SHB: variants seen among roughly 807,000 people sequenced by gnomAD.
The protein encoded by SHB is SH2 domain-containing adapter protein B.
A neutral mutation model predicts 52.3 loss-of-function variants in SHB; 20 were observed. The ratio of observed to expected loss-of-function variants is 0.38; its 90% CI spans 0.27 to 0.56. SHB has a LOEUF of 0.56. SHB is among the 20% of genes least tolerant of loss of function. SHB has a pLI of 0.71. For synonymous variants in SHB, 397 were observed against 316.5 expected, an observed-to-expected ratio of 1.25 and a Z score of -2.70; for missense variants, 825 against 723.3, an observed-to-expected ratio of 1.14 and a Z score of -1.61.
At chr9:38,056,231 C>A (rs1022996886) in intron 1 of SHB, among the ~76,000 whole-genome samples, 5 of 151,982 alleles carry the variant, frequency 3.3e-5, no homozygotes, top group Non-Finnish European at 7.4e-5. Flanking sequence ...AAGATGACAA[C>A]CATACCTCAT....
intron 3 of SHB, among the ~76,000 whole-genome samples, chr9:37,963,696 G>A (rs1008784895): frequency 5.9e-5 from 9 of 152,160 alleles, no homozygotes; most frequent in African/African-American, 2.2e-4. Flanking sequence ...AGGTAGTTGT[G>A]CGACCCCAGG....
Position 38,026,079 on chromosome 9 carries a change from C to T in SHB, c.718-9948G>A, listed in dbSNP as rs972614444. 3.9e-5 allele frequency among the ~76,000 whole-genome samples: 6 copies of T among 152,212 alleles called. No individual in the cohort carries two copies. The East Asian group carries it at 9.6e-4, about 24-fold the overall frequency. On this transcript the variant is annotated intron_variant, in intron 1 of 5. Coordinates refer to ENST00000377707, the MANE Select transcript of SHB (RefSeq NM_003028.3). ...TTCCCAAGGAAGGATCAGGAATGCC[C>T]GTGAGGCTTTCTCACGGTAACGTAA...
At chr9:38,010,815 G>A (rs191528042) in intron 2 of SHB, among the ~76,000 whole-genome samples, 4 of 152,328 alleles carry the variant, frequency 2.6e-5, no homozygotes, top group Admixed American at 6.5e-5. Context: ...ATGACCGAGC[G>A]CACTGCAGAG....
At chr9:38,025,363 A>C (rs1225659847) in intron 1 of SHB, among the ~76,000 whole-genome samples, 1 of 151,926 alleles carries the variant, frequency 6.6e-6, no homozygotes, top group African/African-American at 2.4e-5. Flanking sequence ...CCTTCCTCTC[A>C]GGCTTCCTGC....
At chr9:38,063,501 C>G (rs1821919947) in intron 1 of SHB, among the ~76,000 whole-genome samples, 1 of 152,242 alleles carries the variant, frequency 6.6e-6, no homozygotes, top group Non-Finnish European at 1.5e-5. Flanking sequence ...CCCCACTCCC[C>G]TGCCTTGGGA....
chr9:37,988,557 C>T (rs778144278), intron 2 of SHB, among the ~76,000 whole-genome samples: 4 of 152,116 alleles, frequency 2.6e-5, no homozygotes, highest in African/African-American at 7.2e-5. Flanking sequence ...CTCCAAAATC[C>T]GACCACTACA....
chr9:37,934,721 C>T (rs1464719307), intron 5 of SHB, among the ~76,000 whole-genome samples: 2 of 152,200 alleles, frequency 1.3e-5, no homozygotes, highest in Non-Finnish European at 2.9e-5. Flanking sequence ...GGGGCAAATC[C>T]TCTCATGTTG....
At chr9:38,004,972 C>A (rs1821061448) in intron 2 of SHB, among the ~76,000 whole-genome samples, 1 of 152,220 alleles carries the variant, frequency 6.6e-6, no homozygotes, top group African/African-American at 2.4e-5. Flanking sequence ...TCCACCAAAA[C>A]CAGCAAGTTC....
intron 5 of SHB, among the ~76,000 whole-genome samples, chr9:37,937,025 C>T (rs995689346): frequency 7.9e-5 from 12 of 152,212 alleles, no homozygotes; most frequent in Admixed American, 6.5e-5. Context: ...CCTCAACTGG[C>T]CCCTCCTCCA....
chr9:37,923,396 G>A (rs1832206404), intron 5 of SHB, among the ~76,000 whole-genome samples: 1 of 152,204 alleles, frequency 6.6e-6, no homozygotes, highest in South Asian at 2.1e-4. Context: ...ATTGGAAATG[G>A]CATGTTCTGA....
intron 2 of SHB, among the ~76,000 whole-genome samples, chr9:37,986,643 G>A (rs1390346987): frequency 6.6e-6 from 1 of 152,174 alleles, no homozygotes; most frequent in Non-Finnish European, 1.5e-5. Context: ...AGATGCCCAG[G>A]GCTCCAGAAA....
At chr9:37,968,606 G>A (rs908068602) in intron 3 of SHB, among the ~76,000 whole-genome samples, 1 of 152,258 alleles carries the variant, frequency 6.6e-6, no homozygotes, top group African/African-American at 2.4e-5. Context: ...CAAAGCTTCA[G>A]ATGGTGAATC....
At chr9:38,030,959 A>G (rs1483334961) in intron 1 of SHB, among the ~76,000 whole-genome samples, 1 of 152,084 alleles carries the variant, frequency 6.6e-6, no homozygotes, top group Non-Finnish European at 1.5e-5. Context: ...TATACAAAAA[A>G]AAAAGGGGGG....
chr9:37,987,776 G>C (rs1287332911), intron 2 of SHB, among the ~76,000 whole-genome samples: 1 of 152,180 alleles, frequency 6.6e-6, no homozygotes, highest in African/African-American at 2.4e-5. Context: ...CCACCAAGGA[G>C]GTATTCAGCA....
At chr9:37,935,591 CAA>C (rs1035528427) in intron 5 of SHB, among the ~76,000 whole-genome samples, 91 of 152,186 alleles carry the variant, frequency 6.0e-4, no homozygotes, top group African/African-American at 2.2e-3. Context: ...TCAGAGTGTA[CAA>C]AATCGTGGTC....
chr9:37,975,051 C>T (rs538974847), intron 2 of SHB, among the ~76,000 whole-genome samples: 3 of 152,284 alleles, frequency 2.0e-5, no homozygotes, highest in East Asian at 1.9e-4. Context: ...CTCACATGCT[C>T]GCAGGCCTAA....
rs140422048 is a variant in SHB, at chr9:37,923,909, G to A, written c.1347-3905C>T. ...CGGCCCCGCATCCCGAGCCAGCTGAGCCGGGCTCCGAGCCACATCTCCTCC... is the reference window on the plus strand; with the variant it reads ...CGGCCCCGCATCCCGAGCCAGCTGAACCGGGCTCCGAGCCACATCTCCTCC... On this transcript the variant is annotated intron_variant, in intron 5 of 5. Transcript: ENST00000377707. 3.1e-3 allele frequency among the ~76,000 whole-genome samples: 474 copies of A among 152,344 alleles called. 1 individual carries two copies. Among genetic ancestry groups the A allele is most frequent in the African/African-American group, 0.011 (453 of 41,590 alleles).
intron 1 of SHB, among the ~76,000 whole-genome samples, chr9:38,035,731 T>C (rs1821478827): frequency 6.6e-6 from 1 of 152,052 alleles, no homozygotes; most frequent in African/African-American, 2.4e-5. Context: ...ATAGAAAATA[T>C]TTTAGGTTCC....
At chr9:38,044,196 G>A (rs565917855) in intron 1 of SHB, among the ~76,000 whole-genome samples, 10 of 152,224 alleles carry the variant, frequency 6.6e-5, no homozygotes, top group Admixed American at 2.0e-4. Context: ...CAGTCACACC[G>A]GAAAGGGCAA....
Sources: gnomAD v4.1 joint callset for allele counts (sites outside exome capture counted in the v4.1 genomes callset) on GRCh38, gnomAD v4.1.1 for gene constraint, MANE v1.5 for transcripts, NCBI Gene and HGNC (gene_info 2026-07-23, HGNC 2026-07-21) for gene names.